Variants in ERC2 observed in about 807,000 individuals in gnomAD.
The protein encoded by ERC2 is ERC protein 2.
ERC2 carries 42 observed loss-of-function variants against 114.8 expected under a neutral mutation model. That is an observed-to-expected ratio of 0.37 (90% confidence interval 0.29 to 0.47). ERC2 has a LOEUF of 0.47. Ranked by LOEUF, ERC2 falls within the 20% of genes least tolerant of loss-of-function variation. The pLI is 0.99. For synonymous variants in ERC2, 454 were observed against 425.5 expected (o/e 1.07, Z -0.82); for missense variants, 939 against 1,150.7 (o/e 0.82, Z 2.66).
intron 2 of ERC2, among the ~76,000 whole-genome samples, chr3:56,325,683 A>T (rs1265288160): frequency 6.6e-6 from 1 of 152,184 alleles, no homozygotes; most frequent in African/African-American, 2.4e-5. Context: ...TGTAAAAATA[A>T]CTGACATTTG....
chr3:56,088,391 C>T (rs1005761243), intron 6 of ERC2, among the ~76,000 whole-genome samples: 6 of 152,028 alleles, frequency 3.9e-5, no homozygotes, highest in African/African-American at 1.4e-4. Flanking sequence ...AGAATTAGGG[C>T]TATGGTACTT....
chr3:56,286,848 T>C (rs2054756517), intron 3 of ERC2, among the ~76,000 whole-genome samples: 1 of 152,166 alleles, frequency 6.6e-6, no homozygotes, highest in East Asian at 1.9e-4. Context: ...ACGTAGCAAG[T>C]CTTTGTAATT....
intron 6 of ERC2, among the ~76,000 whole-genome samples, chr3:56,089,749 A>G (rs934875248): frequency 1.3e-5 from 2 of 152,176 alleles, no homozygotes; most frequent in African/African-American, 4.8e-5. Context: ...TAGGCTTAGA[A>G]TTTCAATCTC....
chr3:55,813,530 T>C (rs978074485), intron 14 of ERC2, among the ~76,000 whole-genome samples: 1 of 152,182 alleles, frequency 6.6e-6, no homozygotes, highest in African/African-American at 2.4e-5. Flanking sequence ...ATCTTCACAG[T>C]CCTTACAGAA....
chr3:55,732,637 T>G (rs78812966), intron 15 of ERC2, among the ~76,000 whole-genome samples: 1 of 152,240 alleles, frequency 6.6e-6, no homozygotes, highest in African/African-American at 2.4e-5. Context: ...AATTCCTTAC[T>G]GGGAAAAGTA....
chr3:55,597,559 T>G (rs2058206259), intron 17 of ERC2, among the ~76,000 whole-genome samples: 1 of 152,222 alleles, frequency 6.6e-6, no homozygotes, highest in South Asian at 2.1e-4. Context: ...CGGGTCACCT[T>G]AAGTCCGGTA....
intron 2 of ERC2, among the ~76,000 whole-genome samples, chr3:56,331,569 C>T (rs777105526): frequency 6.6e-6 from 1 of 152,114 alleles, no homozygotes; most frequent in Non-Finnish European, 1.5e-5. Context: ...CTTCTGGAAC[C>T]AAGTTTCTAC....
chr3:56,310,015 G>A (rs111296128), intron 2 of ERC2, among the ~76,000 whole-genome samples: 2 of 152,142 alleles, frequency 1.3e-5, no homozygotes, highest in African/African-American at 2.4e-5. Flanking sequence ...AGACCAATTC[G>A]AAGATGGATA....
At chr3:56,331,813 T>C (rs186642468) in intron 2 of ERC2, among the ~76,000 whole-genome samples, 1 of 152,188 alleles carries the variant, frequency 6.6e-6, no homozygotes, top group East Asian at 1.9e-4. Context: ...TGAAGTTTGG[T>C]CCATGACCTC....
intron 2 of ERC2, among the ~76,000 whole-genome samples, chr3:56,362,491 T>C (rs966150670): frequency 9.2e-5 from 14 of 152,216 alleles, no homozygotes; most frequent in African/African-American, 3.1e-4. Context: ...CAAACCCATG[T>C]TGGGGAAGGA....
intron 2 of ERC2, among the ~76,000 whole-genome samples, chr3:56,357,236 T>C (rs192004295): frequency 2.0e-4 from 30 of 152,322 alleles, no homozygotes; most frequent in Non-Finnish European, 4.1e-4. Flanking sequence ...GCTCTGGACT[T>C]ACCCACAGTA....
chr3:55,957,808 C>T lies in ERC2; in HGVS notation c.2268-7248G>A, dbSNP rs148182251. Among the ~76,000 whole-genome samples the T allele has an allele frequency of 3.9e-5, 6 of 152,304 alleles. No homozygotes were observed. In the East Asian group the frequency reaches 7.7e-4, roughly 20 times the overall value. ...GGTGTACCACAAGCAACTTCCACTG[C>T]GGGCACCAGGAAATGCGGTGGTACC... On this transcript the variant is annotated intron_variant, in intron 12 of 17. Coordinates refer to ENST00000288221, the MANE Select transcript of ERC2 (RefSeq NM_015576.3).
At chr3:55,963,438 G>A (rs1050738126) in intron 12 of ERC2, among the ~76,000 whole-genome samples, 1 of 152,148 alleles carries the variant, frequency 6.6e-6, no homozygotes, top group African/African-American at 2.4e-5. Context: ...TTTTGTAAGA[G>A]AAGGACAAAA....
At position 56,054,193 on chromosome 3, in the gene ERC2, G is replaced by A. The variant is rs1309774029; in HGVS notation, c.1641+26624C>T. On this transcript the variant is annotated intron_variant, in intron 7 of 17. Coordinates refer to ENST00000288221, the MANE Select transcript of ERC2 (RefSeq NM_015576.3). Reference sequence around the variant, plus strand: ...AAATTGTGTACAGTACCTGCCTCCCGACCCATTGCTTTTTAGGAAATGTCA... The same window carrying A: ...AAATTGTGTACAGTACCTGCCTCCCAACCCATTGCTTTTTAGGAAATGTCA... Among the ~76,000 whole-genome samples the A allele has an allele frequency of 5.9e-5, 9 of 152,160 alleles. No homozygotes were observed. In the East Asian group the frequency reaches 9.6e-4, roughly 16 times the overall value.
intron 2 of ERC2, among the ~76,000 whole-genome samples, chr3:56,381,220 T>C (rs1473413480): frequency 6.6e-6 from 1 of 152,224 alleles, no homozygotes; most frequent in African/African-American, 2.4e-5. Flanking sequence ...GTCAATATTT[T>C]TAAAGTATTA....
chr3:55,597,502 C>T (rs1698559711), intron 17 of ERC2, among the ~76,000 whole-genome samples: 1 of 152,084 alleles, frequency 6.6e-6, no homozygotes, highest in African/African-American at 2.4e-5. Context: ...AAATAGTCCT[C>T]ATTTTCTGAG....
chr3:55,801,758 A>G (rs578064265), intron 14 of ERC2, among the ~76,000 whole-genome samples: 109 of 152,360 alleles, frequency 7.2e-4, no homozygotes, highest in African/African-American at 2.5e-3. Context: ...TTAAGAAATT[A>G]TTAAGAATTC....
chr3:55,689,810 G>A (rs1375411159), intron 16 of ERC2, among the ~76,000 whole-genome samples: 16 of 142,168 alleles, frequency 1.1e-4, no homozygotes, highest in South Asian at 2.3e-4. Flanking sequence ...AAAAAAAAAA[G>A]AAAAAAAAAA....
chr3:55,968,523 T>C (rs767498198), intron 12 of ERC2, among the ~76,000 whole-genome samples: 1 of 152,206 alleles, frequency 6.6e-6, no homozygotes, highest in Non-Finnish European at 1.5e-5. Flanking sequence ...GTCTCAGACC[T>C]GTGCAGTTTG....
Sources: allele counts gnomAD v4.1 joint callset (sites outside exome capture counted in the v4.1 genomes callset), GRCh38; gene constraint gnomAD v4.1.1; transcripts MANE v1.5; gene names NCBI Gene and HGNC (gene_info 2026-07-23, HGNC 2026-07-21).